STS: variants seen among roughly 807,000 people sequenced by gnomAD.
STS encodes steryl-sulfatase.
In STS, 7 loss-of-function variants were observed where a neutral mutation model predicts 26.8. The observed-to-expected ratio is 0.26, with a 90% CI of 0.15 to 0.49. The LOEUF is 0.49. Ranked by LOEUF, STS falls within the 20% of genes least tolerant of loss-of-function variation. STS has a pLI of 0.98. For synonymous variants in STS, 199 were observed against 189.4 expected (o/e 1.05, Z -0.42); for missense variants, 434 against 465.6 (o/e 0.93, Z 0.63).
intron 1 of STS, among the ~76,000 whole-genome samples, chrX:7,176,730 A>T (rs1331182368): frequency 9.0e-6 from 1 of 111,306 alleles, no homozygotes; most frequent in Non-Finnish European, 1.9e-5. Context: ...AGATCTTGTG[A>T]GAACTTACTC....
At chrX:7,167,413 G>A (rs914091603) in intron 1 of STS, among the ~76,000 whole-genome samples, 3 of 110,461 alleles carry the variant, frequency 2.7e-5, no homozygotes, top group Non-Finnish European at 5.7e-5. Context: ...ATGAGGTTTC[G>A]CCATGTTGGT....
intron 8 of STS, among the ~76,000 whole-genome samples, chrX:7,322,661 A>G (rs1444421609): frequency 1.8e-5 from 2 of 112,122 alleles, no homozygotes; most frequent in African/African-American, 6.5e-5. Context: ...TTGGCCTCCT[A>G]AAGTGCTGGG....
intron 2 of STS, among the ~76,000 whole-genome samples, chrX:7,237,825 T>TCACCCCTTCCCACTTCCCATCTTCCCA (rs1393123918): frequency 1.8e-5 from 2 of 111,404 alleles, no homozygotes; most frequent in Non-Finnish European, 1.9e-5. Context: ...ATTTTCTCCT[T>TCACCCCTTCCCACTTCCCATCTTCCCA]CACCCCTTCC....
At chrX:7,167,701 AT>A (rs777769331) in intron 1 of STS, among the ~76,000 whole-genome samples, 1 of 110,790 alleles carries the variant, frequency 9.0e-6, no homozygotes, top group African/African-American at 3.3e-5. Flanking sequence ...ACCTAGGATC[AT>A]TTTTTTGTTT....
At chrX:7,245,704 C>T (rs1294781837) in intron 2 of STS, among the ~76,000 whole-genome samples, 1 of 112,245 alleles carries the variant, frequency 8.9e-6, no homozygotes, top group East Asian at 2.8e-4. Context: ...ACTGCACTTG[C>T]TTGTATCATC....
At chrX:7,282,997 A>G (rs1194189864) in intron 7 of STS, among the ~76,000 whole-genome samples, 1 of 112,078 alleles carries the variant, frequency 8.9e-6, no homozygotes, top group African/African-American at 3.2e-5. Flanking sequence ...ATCAACCTTC[A>G]TGTCTTTACT....
Position 7,262,184 on chromosome X carries a change from A to C in STS, c.806+2412A>C, listed in dbSNP as rs1923781153. ...AGACTGACAAAATCTCAGTGGATTA[A>C]CACTTGAAGATTTGTTTCTTGCCCA... On this transcript the variant is annotated intron_variant, in intron 6 of 10. Transcript: ENST00000674429. 3.6e-5 allele frequency among the ~76,000 whole-genome samples: 4 copies of C among 112,190 alleles called. No homozygotes were observed. The South Asian group carries it at 1.5e-3, about 42-fold the overall frequency.
chrX:7,343,277 C>T (rs1477038452), intron 10 of STS, among the ~76,000 whole-genome samples: 1 of 111,898 alleles, frequency 8.9e-6, no homozygotes, highest in Non-Finnish European at 1.9e-5. Flanking sequence ...TGTGTTGAAA[C>T]CATGTAGATT....
intron 8 of STS, among the ~76,000 whole-genome samples, chrX:7,322,558 G>A (rs1254812673): frequency 9.0e-6 from 1 of 111,548 alleles, no homozygotes; most frequent in African/African-American, 3.3e-5. Context: ...GCGCCACCAC[G>A]CCTGGCTAAT....
intron 7 of STS, among the ~76,000 whole-genome samples, chrX:7,283,636 C>T (rs1391638635): frequency 1.8e-5 from 2 of 110,360 alleles, no homozygotes; most frequent in Non-Finnish European, 3.8e-5. Flanking sequence ...CAGTTCAATG[C>T]AGGGCCAGAA....
intron 2 of STS, among the ~76,000 whole-genome samples, chrX:7,211,950 C>T (rs1002194890): frequency 2.7e-5 from 3 of 112,157 alleles, no homozygotes; most frequent in Non-Finnish European, 5.6e-5. Context: ...CATTTCCTTC[C>T]TCCTCCCCTT....
At chrX:7,169,549 A>G (rs1933421661) in intron 1 of STS, among the ~76,000 whole-genome samples, 1 of 112,053 alleles carries the variant, frequency 8.9e-6, no homozygotes, top group South Asian at 3.7e-4. Context: ...TGTATACCTC[A>G]CAGTAGGATT....
chrX:7,352,201 A>G lies in STS; in HGVS notation c.*1940A>G, dbSNP rs1375249273. On this transcript the variant is annotated 3_prime_UTR_variant, in exon 11 of 11. Coordinates refer to ENST00000674429, the MANE Select transcript of STS (RefSeq NM_001320752.2). ...TATAAATTTATCCTATAAGATGACA[A>G]TGTTTACTCAAAGTCTAACATATTC... 8.9e-6 allele frequency: 1 copy of G among 112,255 alleles called. No homozygotes were observed. The highest frequency in any genetic ancestry group is 3.2e-5 in the African/African-American group (1 of 30,933). 9.3% of individuals were successfully genotyped at this position (112,255 alleles called of 1,213,427 possible). A position where few individuals can be genotyped will look rare whatever the true frequency, so the allele number is the denominator to read the frequency against.
intron 6 of STS, among the ~76,000 whole-genome samples, chrX:7,265,166 C>A (rs1246785061): frequency 9.0e-6 from 1 of 110,518 alleles, no homozygotes; most frequent in Non-Finnish European, 1.9e-5. Flanking sequence ...CACAGCCATT[C>A]CAAGATGGAG....
intron 2 of STS, among the ~76,000 whole-genome samples, chrX:7,207,952 A>C (rs1920962045): frequency 8.9e-6 from 1 of 112,076 alleles, no homozygotes; most frequent in African/African-American, 3.2e-5. Flanking sequence ...TGTAGGGGGC[A>C]AAAGAATGGT....
chrX:7,196,103 AATAGTTT>A (rs1336043971), intron 2 of STS, among the ~76,000 whole-genome samples: 1 of 59,325 alleles, frequency 1.7e-5, no homozygotes, highest in Admixed American at 2.0e-4. Context: ...AGAGAAAACA[AATAGTTT>A]ATTAACATGG....
rs1405220953 is a variant in STS, at chrX:7,273,553, T to A, written c.807-2398T>A. Among the ~76,000 whole-genome samples the A allele has an allele frequency of 2.7e-5, 3 of 111,996 alleles. No individual in the cohort carries two copies. In the Admixed American group the frequency reaches 2.8e-4, roughly 11 times the overall value. ...CACACTTAGAAAGAAGGAACGCTGC[T>A]CAGAGAGGCCAAGAACAATCTAGAC... On this transcript the variant is annotated intron_variant, in intron 6 of 10. Coordinates refer to ENST00000674429, the MANE Select transcript of STS (RefSeq NM_001320752.2).
intron 2 of STS, among the ~76,000 whole-genome samples, chrX:7,193,367 G>A (rs149638206): frequency 0.013 from 1,483 of 111,700 alleles, 16 homozygotes; most frequent in East Asian, 0.039. Context: ...CACCAGCTAA[G>A]TAGGGTTTTT....
At chrX:7,298,020 G>A (rs1319551493) in intron 7 of STS, among the ~76,000 whole-genome samples, 1 of 111,214 alleles carries the variant, frequency 9.0e-6, no homozygotes, top group African/African-American at 3.3e-5. Context: ...CTTTTATGCA[G>A]GAGTTGCATT....
Sources: gnomAD v4.1 joint callset for allele counts (sites outside exome capture counted in the v4.1 genomes callset) on GRCh38, gnomAD v4.1.1 for gene constraint, MANE v1.5 for transcripts, NCBI Gene and HGNC (gene_info 2026-07-23, HGNC 2026-07-21) for gene names.